The following CENATAC variants were observed in gnomAD, a reference collection of about 807,000 sequenced individuals.
CENATAC encodes the protein coiled-coil domain containing 84.
Under a neutral mutation model 53.7 loss-of-function variants are expected in CENATAC, and 53 were observed. The ratio of observed to expected loss-of-function variants is 0.99; its 90% CI spans 0.79 to 1.24. The LOEUF is 1.24. Ranked by LOEUF, CENATAC falls within the 50% of genes most tolerant of loss-of-function variation. The pLI, the probability that CENATAC is intolerant of heterozygous loss-of-function variation, is 0.00. For synonymous variants in CENATAC, 156 were observed against 144.6 expected, an observed-to-expected ratio of 1.08 and a Z score of -0.57; for missense variants, 474 against 417.8, an observed-to-expected ratio of 1.13 and a Z score of -1.17.
At chr11:119,010,698 T>G (rs1033708594) in intron 3 of CENATAC, 66 bp from the exon 4 acceptor site, 6 of 1,372,620 alleles carry the variant, frequency 4.4e-6, no homozygotes, top group Non-Finnish European at 6.2e-6. Context: ...AAATATCTAC[T>G]GAGGAGCTTT....
intron 3 of CENATAC, among the ~76,000 whole-genome samples, chr11:119,006,472 G>C (rs969240768): frequency 5.5e-4 from 83 of 152,214 alleles, no homozygotes; most frequent in African/African-American, 1.8e-3. Context: ...TCCTGACCTC[G>C]TGATCCGCCT....
Position 118,998,147 on chromosome 11 carries a change from C to T in CENATAC, c.-51C>T, listed in dbSNP as rs782156294. The T allele has an allele frequency of 1.3e-6, 2 of 1,551,844 alleles. No individual in the cohort carries two copies. Among genetic ancestry groups the T allele is most frequent in the African/African-American group, 1.4e-5 (1 of 73,364 alleles). On this transcript the variant is annotated 5_prime_UTR_variant, in exon 1 of 11. Coordinates refer to ENST00000334418, the MANE Select transcript of CENATAC (RefSeq NM_198489.3). Reference sequence around the variant, plus strand: ...CCGAGGGGTCAGGGTCAGAGGCCGCCGGATGGCGTAGGATCGGCCGCTGGT... The same window carrying T: ...CCGAGGGGTCAGGGTCAGAGGCCGCTGGATGGCGTAGGATCGGCCGCTGGT...
intron 3 of CENATAC, among the ~76,000 whole-genome samples, chr11:119,006,206 T>G (rs982218486): frequency 6.8e-6 from 1 of 146,840 alleles, no homozygotes; most frequent in Non-Finnish European, 1.5e-5. Flanking sequence ...CTTGAGTAGC[T>G]GGGACTACAG....
At chr11:119,013,572 T>C (rs930569983) in intron 8 of CENATAC, among the ~76,000 whole-genome samples, 12 of 151,048 alleles carry the variant, frequency 7.9e-5, no homozygotes, top group Non-Finnish European at 1.3e-4. Context: ...CACGCCATTC[T>C]CCTGCCTCAG....
chr11:119,000,317 T>C (rs1281026041), intron 3 of CENATAC, among the ~76,000 whole-genome samples: 1 of 152,112 alleles, frequency 6.6e-6, no homozygotes, highest in Non-Finnish European at 1.5e-5. Context: ...GACTTTCTAA[T>C]AACAACCCTG....
chr11:119,002,817 G>A (rs1029946477), intron 3 of CENATAC, among the ~76,000 whole-genome samples: 9 of 150,316 alleles, frequency 6.0e-5, no homozygotes, highest in Non-Finnish European at 1.2e-4. Context: ...ATGGAGTCTC[G>A]CTCTGTTGTC....
At chr11:119,014,827 A>G in intron 8 of CENATAC, 167 bp from the exon 9 acceptor site, 1 of 509,730 alleles carries the variant, frequency 2.0e-6, no homozygotes, top group Non-Finnish European at 3.5e-6. Flanking sequence ...CATATGGGGT[A>G]TGTCGCTTTA....
intron 5 of CENATAC, 82 bp from the exon 6 acceptor site, chr11:119,011,857 C>T (rs1160036495): frequency 8.4e-7 from 1 of 1,189,858 alleles, no homozygotes; most frequent in Non-Finnish European, 1.2e-6. Flanking sequence ...TCCTGTGATA[C>T]TGGGGTCTGG....
intron 3 of CENATAC, chr11:119,004,330 C>T (rs1037439693): frequency 6.6e-6 from 1 of 152,210 alleles, no homozygotes; most frequent in African/African-American, 2.4e-5. Flanking sequence ...TTACTGCAAC[C>T]TCCGCCTCCT....
chr11:119,009,546 A>G (rs1177774276), intron 3 of CENATAC: 2 of 151,986 alleles, frequency 1.3e-5, no homozygotes, highest in South Asian at 2.1e-4. Context: ...TTTGATGACA[A>G]CCTCCTAGGG....
In CENATAC at chr11:118,998,325, G is replaced by A; in HGVS notation, c.120+8G>A. On this transcript the variant is annotated splice_region_variant and intron_variant, in intron 1 of 10. Coordinates refer to ENST00000334418, the MANE Select transcript of CENATAC (RefSeq NM_198489.3). ...GAGAGGCTCCTGCCCCAGGTGCGGA[G>A]GCAAGGCTAGAGATGGGATGGGAGT... 1 of 1,610,912 alleles carries A rather than the reference G, an allele frequency of 6.2e-7. No individual in the cohort carries two copies. Among genetic ancestry groups the A allele is most frequent in the South Asian group, 1.1e-5 (1 of 90,588 alleles).
At chr11:119,010,488 A>C in intron 3 of CENATAC, 2 of 456,612 alleles carry the variant, frequency 4.4e-6, no homozygotes, top group Non-Finnish European at 7.8e-6. Flanking sequence ...GGTTGTATAG[A>C]ATGTTCCTCC....
intron 3 of CENATAC, among the ~76,000 whole-genome samples, chr11:119,000,744 G>A (rs1592047758): frequency 1.3e-5 from 2 of 151,734 alleles, no homozygotes; most frequent in Admixed American, 6.6e-5. Context: ...GCAAAAGATC[G>A]AAACTCTGTC....
At position 119,013,244 on chromosome 11, in the gene CENATAC, G is replaced by A. The variant is rs1242582285; in HGVS notation, c.697G>A (p.Val233Ile). The A allele has an allele frequency of 7.5e-6, 12 of 1,609,750 alleles. No individual in the cohort carries two copies. Among genetic ancestry groups the A allele is most frequent in the Non-Finnish European group, 9.3e-6 (11 of 1,178,110 alleles). ...TFIGHQDIPGVGNIHSGATPP... is the reference protein window; with the variant it reads ...TFIGHQDIPGIGNIHSGATPP... ...TTTCCAACTACAGGATATACCAGGA[G>A]TTGGTAACATCCACTCAGGTAAGGT... is the stretch of plus-strand genomic sequence containing the variant. The change falls in exon 8 of 11, where the codon GTT becomes ATT. Residue 233 changes from valine to isoleucine, a missense_variant. Transcript: ENST00000334418.
intron 3 of CENATAC, among the ~76,000 whole-genome samples, chr11:119,007,203 GGA>G (rs1305339005): frequency 6.6e-6 from 1 of 151,768 alleles, no homozygotes; most frequent in East Asian, 1.9e-4. Flanking sequence ...TCTTTTTTTT[GGA>G]GAGAGTCTCG....
Position 119,015,503 on chromosome 11 carries a change from C to T in CENATAC, c.939-35C>T, listed in dbSNP as rs376310021. The T allele has an allele frequency of 9.3e-6, 15 of 1,614,086 alleles. No homozygotes were observed. The African/African-American group carries it at 1.6e-4, about 17-fold the overall frequency. ...CAACCTCCTTTTTGGAGATGTCACCCTTCATCATCGTGTTAACCCTTTATT... is the reference window on the plus strand; with the variant it reads ...CAACCTCCTTTTTGGAGATGTCACCTTTCATCATCGTGTTAACCCTTTATT... On this transcript the variant is annotated intron_variant, in intron 10 of 10. Transcript: ENST00000334418.
Position 119,006,531 on chromosome 11 carries a change from G to T in CENATAC, c.384-4233G>T, listed in dbSNP as rs112078744. 9.0e-3 allele frequency among the ~76,000 whole-genome samples: 1,361 copies of T among 151,710 alleles called. 23 individuals carry two copies. The highest frequency in any genetic ancestry group is 0.031 in the African/African-American group (1,279 of 41,330). ...ATTACAGGCGTAAGCCACCATGCCC[G>T]GCCTAATTTTTGTATTTTTAGTAGA... On this transcript the variant is annotated intron_variant, in intron 3 of 10. Transcript: ENST00000334418.
At chr11:119,010,962 C>A in intron 4 of CENATAC, 132 bp downstream of exon 4, 1 of 775,448 alleles carries the variant, frequency 1.3e-6, no homozygotes, top group Non-Finnish European at 2.2e-6. Flanking sequence ...TCATCAGGCA[C>A]TAGATTCTCA....
At chr11:119,002,224 CAAAAAAAAA>C (rs782664366) in intron 3 of CENATAC, among the ~76,000 whole-genome samples, 2 of 49,536 alleles carry the variant, frequency 4.0e-5, no homozygotes, top group Non-Finnish European at 7.6e-5. Flanking sequence ...AACTCTGTCT[CAAAAAAAAA>C]AAAAAAAAAA....
Sources: gnomAD v4.1 joint callset for allele counts (sites outside exome capture counted in the v4.1 genomes callset) on GRCh38, gnomAD v4.1.1 for gene constraint, MANE v1.5 for transcripts, NCBI Gene and HGNC (gene_info 2026-07-23, HGNC 2026-07-21) for gene names.